The following ADK variants were observed in gnomAD, a reference collection of about 807,000 sequenced individuals.
ADK encodes adenosine kinase, also known as N6,N6-dimethyladenosine kinase.
Under a neutral mutation model 44.7 loss-of-function variants are expected in ADK, and 24 were observed. That is an observed-to-expected ratio of 0.54 (90% CI 0.39 to 0.76). The LOEUF (loss-of-function observed/expected upper bound fraction) is 0.76. Among genes scored for constraint, ADK ranks in the 30% least tolerant of loss-of-function variants. The probability of loss-of-function intolerance (pLI) is 0.00; values close to 1 mark genes in which losing one functional copy is unlikely to be tolerated. For missense variants in ADK, 321 were observed against 425.1 expected (o/e 0.76, Z 2.15); for synonymous variants, 128 against 142.6 (o/e 0.90, Z 0.73).
chr10:74,663,248 A>AAT (rs199853152), intron 9 of ADK, among the ~76,000 whole-genome samples: 2,269 of 140,824 alleles, frequency 0.016, 29 homozygotes, highest in East Asian at 0.061. Flanking sequence ...AAAAAAAAAT[A>AAT]ATATATATAT....
rs895606391 is a variant in ADK at position 74,445,256 on chromosome 10, C to G, written c.555+46677C>G. On this transcript the variant is annotated intron_variant, in intron 6 of 10. Coordinates refer to ENST00000539909, the MANE Select transcript of ADK (RefSeq NM_006721.4). ...CCCTTAGCTTGACATATCTTGAGTT[C>G]TTAGTGATTAACATGTTAATAACAA... 2.6e-5 allele frequency among the ~76,000 whole-genome samples: 4 copies of G among 151,850 alleles called. No individual in the cohort carries two copies. In the East Asian group the frequency reaches 7.7e-4, roughly 29 times the overall value.
At chr10:74,386,103 T>C (rs1843131944) in intron 4 of ADK, among the ~76,000 whole-genome samples, 1 of 152,194 alleles carries the variant, frequency 6.6e-6, no homozygotes, top group South Asian at 2.1e-4. Context: ...ATCTATCCTA[T>C]AAGTTATGTG....
In ADK at chr10:74,372,089, G is replaced by A. The variant is rs145092320; in HGVS notation, c.274-22052G>A. The A allele has an allele frequency of 7.7e-3, 5,767 of 753,400 alleles. 42 individuals carry two copies. The highest frequency in any genetic ancestry group is 0.011 in the Non-Finnish European group (4,710 of 411,560). The allele number at this position is 753,400 out of a possible 1,614,324, so 46.7% of individuals were successfully genotyped here. A position where few individuals can be genotyped will look rare whatever the true frequency, so the allele number is the denominator to read the frequency against. ...TGCCAGCCCGGGAAGGTTTGCGCGC[G>A]TGTGGCACCATTTCCCATGAACACC... On this transcript the variant is annotated intron_variant, in intron 4 of 10. Transcript: ENST00000539909.
At chr10:74,471,050 A>T (rs1233335750) in intron 6 of ADK, among the ~76,000 whole-genome samples, 1 of 150,210 alleles carries the variant, frequency 6.7e-6, no homozygotes. Flanking sequence ...ACTATCCTGT[A>T]TGCATTATCA....
At chr10:74,691,556 G>A (rs1352691519) in intron 10 of ADK, among the ~76,000 whole-genome samples, 2 of 152,094 alleles carry the variant, frequency 1.3e-5, no homozygotes, top group Non-Finnish European at 2.9e-5. Flanking sequence ...TTACAATCAG[G>A]AATGCAAATG....
In ADK at chr10:74,165,356, C is replaced by T. The variant is rs1398460027; in HGVS notation, c.65+14013C>T. Among the ~76,000 whole-genome samples the T allele has an allele frequency of 2.0e-5, 3 of 152,092 alleles. No individual in the cohort carries two copies. In the East Asian group the frequency reaches 5.8e-4, roughly 29 times the overall value. On this transcript the variant is annotated intron_variant, in intron 1 of 10. Transcript: ENST00000539909. ...GCTAGGTGGTATCAGTAAGGTAACA[C>T]AGTAAGTTACAGCTACTAAGTATCC...
chr10:74,691,542 A>G (rs1167456435), intron 10 of ADK, among the ~76,000 whole-genome samples: 1 of 152,170 alleles, frequency 6.6e-6, no homozygotes, highest in African/African-American at 2.4e-5. Context: ...AAATCATAGA[A>G]TTATTACAAT....
intron 7 of ADK, among the ~76,000 whole-genome samples, chr10:74,548,756 C>G (rs942642750): frequency 6.6e-6 from 1 of 152,186 alleles, no homozygotes; most frequent in African/African-American, 2.4e-5. Flanking sequence ...TGCTGTATCC[C>G]CGATCCCTTA....
chr10:74,244,164 T>G (rs1367033418), intron 3 of ADK, among the ~76,000 whole-genome samples: 1 of 152,222 alleles, frequency 6.6e-6, no homozygotes, highest in Non-Finnish European at 1.5e-5. Context: ...CCAAGCTACT[T>G]CACTATTTAT....
chr10:74,245,787 C>T (rs757356106), intron 3 of ADK, among the ~76,000 whole-genome samples: 28 of 152,134 alleles, frequency 1.8e-4, no homozygotes, highest in Admixed American at 9.8e-4. Context: ...GATGGGGTTT[C>T]ACCATATTGG....
chr10:74,500,514 T>C (rs956221292), intron 6 of ADK, among the ~76,000 whole-genome samples: 10 of 152,322 alleles, frequency 6.6e-5, no homozygotes, highest in South Asian at 2.1e-4. Context: ...GACCAAGATA[T>C]TGCATTTTGA....
intron 4 of ADK, among the ~76,000 whole-genome samples, chr10:74,356,464 T>C (rs1480899031): frequency 6.6e-6 from 1 of 152,234 alleles, no homozygotes; most frequent in Non-Finnish European, 1.5e-5. Flanking sequence ...TTAATTAGAA[T>C]AAATGAAGTG....
chr10:74,586,388 T>C (rs1015246915), intron 7 of ADK, among the ~76,000 whole-genome samples: 10 of 152,294 alleles, frequency 6.6e-5, no homozygotes, highest in African/African-American at 2.4e-4. Flanking sequence ...GTTGACTTTT[T>C]TTAAGTACAT....
At chr10:74,532,764 G>A (rs1288395417) in intron 7 of ADK, among the ~76,000 whole-genome samples, 2 of 151,742 alleles carry the variant, frequency 1.3e-5, no homozygotes, top group East Asian at 3.9e-4. Flanking sequence ...AGCTGGGCAT[G>A]GTGGCACACG....
chr10:74,232,414 C>T (rs187211279), intron 3 of ADK, among the ~76,000 whole-genome samples: 53 of 151,858 alleles, frequency 3.5e-4, no homozygotes, highest in African/African-American at 1.1e-3. Context: ...CCCAGCTACT[C>T]AGGAGGCTGA....
chr10:74,212,316 A>G (rs978319345), intron 2 of ADK, among the ~76,000 whole-genome samples: 3 of 152,212 alleles, frequency 2.0e-5, no homozygotes, highest in South Asian at 2.1e-4. Context: ...TCACAGCTCA[A>G]CACACACTTT....
chr10:74,509,869 A>G (rs796233150), intron 6 of ADK, among the ~76,000 whole-genome samples: 21 of 152,310 alleles, frequency 1.4e-4, no homozygotes, highest in African/African-American at 4.8e-4. Flanking sequence ...TTCACTTAAC[A>G]TAATGTCCTC....
chr10:74,675,029 T>A (rs964789768), intron 10 of ADK, among the ~76,000 whole-genome samples: 5 of 152,214 alleles, frequency 3.3e-5, no homozygotes, highest in Admixed American at 6.5e-5. Flanking sequence ...TCTTTCTGAT[T>A]GACACATTCT....
chr10:74,163,165 AC>A (rs1265019810), intron 1 of ADK, among the ~76,000 whole-genome samples: 1 of 151,862 alleles, frequency 6.6e-6, no homozygotes, highest in Admixed American at 6.6e-5. Flanking sequence ...ACGGGGTTTC[AC>A]CATGTTAGCC....
Sources: allele counts gnomAD v4.1 joint callset (sites outside exome capture counted in the v4.1 genomes callset), GRCh38; gene constraint gnomAD v4.1.1; transcripts MANE v1.5; gene names NCBI Gene and HGNC (gene_info 2026-07-23, HGNC 2026-07-21).